Variants in AP3B1 observed in about 807,000 individuals in gnomAD.
The protein encoded by AP3B1 is AP-3 complex subunit beta-1.
AP3B1 carries 61 observed loss-of-function variants against 132.5 expected under a neutral mutation model. The observed-to-expected ratio is 0.46, with a 90% CI of 0.37 to 0.57. The LOEUF (loss-of-function observed/expected upper bound fraction) is 0.57. Among genes scored for constraint, AP3B1 ranks in the 20% least tolerant of loss-of-function variants. The pLI, the probability that AP3B1 is intolerant of heterozygous loss-of-function variation, is 0.00. For synonymous variants in AP3B1, 388 were observed against 438.3 expected, an observed-to-expected ratio of 0.89 and a Z score of 1.43; for missense variants, 1,120 against 1,289.4, an observed-to-expected ratio of 0.87 and a Z score of 2.01.
chr5:78,097,897 G>A (rs1428307763), intron 21 of AP3B1, among the ~76,000 whole-genome samples: 10 of 152,246 alleles, frequency 6.6e-5, no homozygotes, highest in African/African-American at 1.9e-4. Context: ...TGTAGAAAGA[G>A]GTAGACATGG....
At chr5:78,103,366 C>T (rs928097507) in intron 20 of AP3B1, among the ~76,000 whole-genome samples, 2 of 152,150 alleles carry the variant, frequency 1.3e-5, no homozygotes, top group Non-Finnish European at 2.9e-5. Flanking sequence ...TGTGCTCCGC[C>T]TGCAAAGTGT....
intron 22 of AP3B1, among the ~76,000 whole-genome samples, chr5:78,088,071 A>T (rs991363815): frequency 6.6e-6 from 1 of 152,166 alleles, no homozygotes. Flanking sequence ...CCAAGTTATT[A>T]TTTATTCACT....
intron 22 of AP3B1, among the ~76,000 whole-genome samples, chr5:78,074,648 T>A (rs1749681745): frequency 6.6e-6 from 1 of 152,144 alleles, no homozygotes; most frequent in African/African-American, 2.4e-5. Flanking sequence ...AAAAAAAAAT[T>A]TTTTTAAAGA....
In AP3B1 at chr5:78,193,766, A is replaced by ATTTTT. The variant is rs1379149753; in HGVS notation, c.787-12105_787-12104insAAAAA. 1.5e-3 allele frequency among the ~76,000 whole-genome samples: 148 copies of ATTTTT among 98,298 alleles called. 1 individual carries two copies. The highest frequency in any genetic ancestry group is 4.9e-3 in the African/African-American group (127 of 25,908). 64.5% of individuals were successfully genotyped at this position (98,298 alleles called of 152,430 possible). On this transcript the variant is annotated intron_variant, in intron 7 of 26. Coordinates refer to ENST00000255194, the MANE Select transcript of AP3B1 (RefSeq NM_003664.5). ...TTTTTATATATATATATATATATAT[A>ATTTTT]TATATTTTTTTTTTAGACAGAGTCT... is the stretch of plus-strand genomic sequence containing the variant.
intron 22 of AP3B1, among the ~76,000 whole-genome samples, chr5:78,050,468 A>G (rs1280205259): frequency 6.6e-6 from 1 of 152,168 alleles, no homozygotes; most frequent in African/African-American, 2.4e-5. Context: ...TTTAATGCTG[A>G]GTGCTCAATT....
intron 1 of AP3B1, among the ~76,000 whole-genome samples, chr5:78,269,728 A>C (rs954504059): frequency 1.3e-5 from 2 of 152,194 alleles, no homozygotes; most frequent in Non-Finnish European, 2.9e-5. Flanking sequence ...ACTAATTCAC[A>C]AATTTTTGTT....
At chr5:78,255,253 T>A (rs553365313) in intron 2 of AP3B1, among the ~76,000 whole-genome samples, 2 of 152,002 alleles carry the variant, frequency 1.3e-5, no homozygotes, top group Non-Finnish European at 2.9e-5. Flanking sequence ...TTATCAATAA[T>A]AACATTTAAC....
intron 7 of AP3B1, among the ~76,000 whole-genome samples, chr5:78,202,175 G>A (rs1029799321): frequency 7.9e-5 from 12 of 152,136 alleles, no homozygotes; most frequent in Admixed American, 2.0e-4. Context: ...CATGTGAGAC[G>A]TGCCTTTCAC....
chr5:78,267,825 G>A (rs1044907612), intron 1 of AP3B1, among the ~76,000 whole-genome samples: 1 of 152,150 alleles, frequency 6.6e-6, no homozygotes, highest in Non-Finnish European at 1.5e-5. Context: ...AATTTCTGCT[G>A]ATTAAGCCAC....
At chr5:78,256,496 A>T (rs1747854094) in intron 2 of AP3B1, among the ~76,000 whole-genome samples, 1 of 152,018 alleles carries the variant, frequency 6.6e-6, no homozygotes, top group South Asian at 2.1e-4. Flanking sequence ...AACAGACCCC[A>T]ATATCAAATC....
intron 20 of AP3B1, among the ~76,000 whole-genome samples, chr5:78,105,859 G>A (rs772957507): frequency 3.3e-5 from 5 of 152,162 alleles, no homozygotes; most frequent in African/African-American, 7.2e-5. Context: ...GCACCTGAAT[G>A]TGTGACTATA....
intron 17 of AP3B1, among the ~76,000 whole-genome samples, chr5:78,122,904 A>T (rs1752287340): frequency 1.3e-5 from 2 of 152,248 alleles, no homozygotes; most frequent in South Asian, 4.1e-4. Flanking sequence ...TCCTAAGCCA[A>T]AAGAACAAAG....
chr5:78,030,586 A>C (rs148481248), intron 24 of AP3B1, among the ~76,000 whole-genome samples: 85 of 152,296 alleles, frequency 5.6e-4, no homozygotes, highest in African/African-American at 2.0e-3. Context: ...AAAATTCACC[A>C]GGACGTGATC....
chr5:78,219,049 A>G (rs1746075197), intron 6 of AP3B1, among the ~76,000 whole-genome samples: 1 of 152,044 alleles, frequency 6.6e-6, no homozygotes, highest in Admixed American at 6.6e-5. Context: ...CAATAACTTA[A>G]AATTTGTGTC....
chr5:78,070,817 A>AT (rs1554062501), intron 22 of AP3B1, among the ~76,000 whole-genome samples: 1 of 152,238 alleles, frequency 6.6e-6, no homozygotes, highest in Non-Finnish European at 1.5e-5. Flanking sequence ...AGAAAGCTCC[A>AT]TATCACTGAT....
intron 14 of AP3B1, among the ~76,000 whole-genome samples, chr5:78,143,419 G>C (rs1289478504): frequency 1.4e-5 from 2 of 145,852 alleles, no homozygotes; most frequent in African/African-American, 5.2e-5. Context: ...CTAGAACTGA[G>C]CTAATAAAAT....
At chr5:78,043,931 G>T in intron 22 of AP3B1, 1 of 336,830 alleles carries the variant, frequency 3.0e-6, no homozygotes, top group Non-Finnish European at 5.9e-6. Context: ...TTAACTTCCA[G>T]CTCTTTACCA....
At chr5:78,145,314 C>T (rs1484779718) in intron 14 of AP3B1, among the ~76,000 whole-genome samples, 1 of 152,134 alleles carries the variant, frequency 6.6e-6, no homozygotes, top group Non-Finnish European at 1.5e-5. Flanking sequence ...GAGAGCTTTA[C>T]GTATTTTCTC....
chr5:78,154,913 G>A (rs1743083389), intron 14 of AP3B1, among the ~76,000 whole-genome samples: 1 of 152,176 alleles, frequency 6.6e-6, no homozygotes, highest in Non-Finnish European at 1.5e-5. Flanking sequence ...TTCTCTGTCT[G>A]AAGGGTCACG....
Sources: allele counts gnomAD v4.1 joint callset (sites outside exome capture counted in the v4.1 genomes callset), GRCh38; gene constraint gnomAD v4.1.1; transcripts MANE v1.5; gene names NCBI Gene and HGNC (gene_info 2026-07-23, HGNC 2026-07-21).